Variants in KLHL5 observed in about 807,000 individuals in gnomAD.
KLHL5 encodes kelch like family member 5, also known as kelch-like protein 5.
A neutral mutation model predicts 77.7 loss-of-function variants in KLHL5; 48 were observed. The ratio of observed to expected loss-of-function variants is 0.62; its 90% confidence interval spans 0.49 to 0.79. The LOEUF is 0.79. Among genes scored for constraint, KLHL5 ranks in the 30% least tolerant of loss-of-function variants. The pLI, the probability that KLHL5 is intolerant of heterozygous loss-of-function variation, is 0.00. For synonymous variants in KLHL5, 260 were observed against 297.0 expected, an observed-to-expected ratio of 0.88 and a Z score of 1.28; for missense variants, 723 against 859.7, an observed-to-expected ratio of 0.84 and a Z score of 1.99.
chr4:39,119,633 T>C (rs1389344182), intron 10 of KLHL5, among the ~76,000 whole-genome samples: 3 of 152,204 alleles, frequency 2.0e-5, no homozygotes, highest in Non-Finnish European at 4.4e-5. Context: ...CCTTTCAGTG[T>C]TCTGACAGAT....
chr4:39,103,189 C>T (rs1721745113), intron 6 of KLHL5, 98 bp from the exon 7 acceptor site: 1 of 897,626 alleles, frequency 1.1e-6, no homozygotes, highest in Non-Finnish European at 1.7e-6. Flanking sequence ...TTATTATTCT[C>T]AATGCTAATA....
At chr4:39,105,817 CAT>C (rs1721992489) in intron 7 of KLHL5, among the ~76,000 whole-genome samples, 1 of 151,238 alleles carries the variant, frequency 6.6e-6, no homozygotes, top group African/African-American at 2.4e-5. Flanking sequence ...CAATATATAA[CAT>C]ATGAGTGGAA....
chr4:39,142,358 G>T, the KLHL5 span, among the ~76,000 whole-genome samples: 1 of 150,338 alleles, frequency 6.7e-6, no homozygotes, highest in African/African-American at 2.5e-5. Flanking sequence ...TCGCGCCATT[G>T]CACTCCAGCT....
chr4:39,070,009 C>T (rs1184104495), intron 1 of KLHL5, among the ~76,000 whole-genome samples: 5 of 152,080 alleles, frequency 3.3e-5, no homozygotes, highest in Admixed American at 6.6e-5. Context: ...AGTGCAGTAG[C>T]GGAAAGGCCA....
chr4:39,049,325 G>A (rs1025755939), intron 1 of KLHL5, among the ~76,000 whole-genome samples: 3 of 152,158 alleles, frequency 2.0e-5, no homozygotes, highest in African/African-American at 7.2e-5. Context: ...AATTAAGTTT[G>A]TTATTTTGGC....
intron 6 of KLHL5, among the ~76,000 whole-genome samples, chr4:39,101,126 T>TATACATATATA (rs1553892884): frequency 0.079 from 10,622 of 134,682 alleles, 562 homozygotes; most frequent in East Asian, 0.094. Context: ...TATTTGGATT[T>TATACATATATA]TATATATATA....
intron 5 of KLHL5, among the ~76,000 whole-genome samples, chr4:39,095,845 G>T (rs1178394561): frequency 6.6e-6 from 1 of 151,128 alleles, no homozygotes; most frequent in African/African-American, 2.4e-5. Flanking sequence ...ATTAGTAAAA[G>T]AAAAAACTGT....
chr4:39,096,566 A>G (rs1033053655), intron 5 of KLHL5, 126 bp from the exon 6 acceptor site: 8 of 630,328 alleles, frequency 1.3e-5, no homozygotes, highest in Admixed American at 3.2e-5. Flanking sequence ...TTTTAGTTAA[A>G]AATATGTGCC....
At chr4:39,089,511 C>T (rs1720328797) in intron 5 of KLHL5, among the ~76,000 whole-genome samples, 1 of 152,062 alleles carries the variant, frequency 6.6e-6, no homozygotes, top group Admixed American at 6.6e-5. Flanking sequence ...AAGGAGTACA[C>T]AAGAGTGCTT....
chr4:39,084,602 TTTCAC>T (rs1719888038), intron 4 of KLHL5, among the ~76,000 whole-genome samples: 1 of 152,218 alleles, frequency 6.6e-6, no homozygotes, highest in African/African-American at 2.4e-5. Flanking sequence ...AAAACTCAGT[TTTCAC>T]TTAATGTAAG....
At chr4:39,045,552 T>C (rs1716117664) in intron 1 of KLHL5, among the ~76,000 whole-genome samples, 1 of 152,116 alleles carries the variant, frequency 6.6e-6, no homozygotes, top group African/African-American at 2.4e-5. Context: ...AGCTTTTCTT[T>C]TAAATAATAC....
At chr4:39,060,773 G>A (rs915334722), upstream of KLHL5, among the ~76,000 whole-genome samples, 4 of 152,116 alleles carry the variant, frequency 2.6e-5, no homozygotes, top group African/African-American at 9.7e-5. Context: ...TGAGAGGAGA[G>A]GGGAAAGTGT....
chr4:39,132,372 G>T, the KLHL5 span, among the ~76,000 whole-genome samples: 1 of 152,162 alleles, frequency 6.6e-6, no homozygotes, highest in African/African-American at 2.4e-5. Context: ...ACTTTGGAAA[G>T]CTGAGGCGGG....
At chr4:39,054,647 T>C (rs1334350341) in intron 1 of KLHL5, among the ~76,000 whole-genome samples, 2 of 152,210 alleles carry the variant, frequency 1.3e-5, no homozygotes, top group Non-Finnish European at 2.9e-5. Flanking sequence ...GTGGCTTAGC[T>C]GTTGACTCAG....
At chr4:39,059,789 C>T (rs1310473600), upstream of KLHL5, among the ~76,000 whole-genome samples, 3 of 152,122 alleles carry the variant, frequency 2.0e-5, no homozygotes, top group East Asian at 5.8e-4. Flanking sequence ...GTCCCAACTA[C>T]TCAGGAGGCT....
At chr4:39,106,920 A>G (rs1485529458) in intron 7 of KLHL5, among the ~76,000 whole-genome samples, 1 of 140,792 alleles carries the variant, frequency 7.1e-6, no homozygotes, top group Non-Finnish European at 1.6e-5. Flanking sequence ...AAAAAAAAAA[A>G]TTTGTAGAGA....
At chr4:39,061,820 G>A (rs1396240095), upstream of KLHL5, among the ~76,000 whole-genome samples, 3 of 152,176 alleles carry the variant, frequency 2.0e-5, no homozygotes, top group Admixed American at 2.0e-4. Context: ...ATTTGAAAAA[G>A]AGTATTTGTT....
intron 9 of KLHL5, among the ~76,000 whole-genome samples, chr4:39,113,499 G>A (rs1381293807): frequency 6.6e-6 from 1 of 152,140 alleles, no homozygotes; most frequent in Non-Finnish European, 1.5e-5. Context: ...TGAATTTTAG[G>A]CAGAATGACT....
At chr4:39,063,482 C>T in intron 1 of KLHL5, 1 of 356,880 alleles carries the variant, frequency 2.8e-6, no homozygotes, top group South Asian at 2.2e-5. Context: ...CAAAGAGATG[C>T]ACATTATAGT....
Sources: allele counts gnomAD v4.1 joint callset (sites outside exome capture counted in the v4.1 genomes callset), GRCh38; gene constraint gnomAD v4.1.1; transcripts MANE v1.5; gene names NCBI Gene and HGNC (gene_info 2026-07-23, HGNC 2026-07-21).